ADGB: variants seen among roughly 807,000 people sequenced by gnomAD.
The protein encoded by ADGB is calpain-7-like protein.
Under a neutral mutation model 210.5 loss-of-function variants are expected in ADGB, and 172 were observed. That is an observed-to-expected ratio of 0.82 (90% CI 0.72 to 0.93). ADGB has a LOEUF of 0.93. ADGB is among the 40% of genes least tolerant of loss of function. The pLI, the probability that ADGB is intolerant of heterozygous loss-of-function variation, is 0.00. For missense variants in ADGB, 2,025 were observed against 1,964.8 expected, an observed-to-expected ratio of 1.03 and a Z score of -0.58; for synonymous variants, 658 against 662.7, an observed-to-expected ratio of 0.99 and a Z score of 0.11.
chr6:146,710,259 CTTTT>C (rs76028266), intron 13 of ADGB, among the ~76,000 whole-genome samples: 32,895 of 151,568 alleles, frequency 0.22, 3,905 homozygotes, highest in African/African-American at 0.32. Flanking sequence ...TATAGTTTTA[CTTTT>C]ATAAAATCCA....
chr6:146,604,313 T>C (rs1292321595), intron 1 of ADGB, among the ~76,000 whole-genome samples: 2 of 152,202 alleles, frequency 1.3e-5, no homozygotes, highest in Non-Finnish European at 2.9e-5. Flanking sequence ...GGCCCAGTCC[T>C]CTCCCAAGTC....
chr6:146,802,730 T>A, intron 35 of ADGB: 1 of 1,469,930 alleles, frequency 6.8e-7, no homozygotes, highest in South Asian at 1.3e-5. Context: ...ACGAGACTTT[T>A]TTTGTAAATT....
Position 146,644,853 on chromosome 6 carries a change from T to C in ADGB, c.318T>C (p.Ile106=). The change falls in exon 3 of 36, where the codon ATT becomes ATC. Residue 106 remains isoleucine, a synonymous_variant. Coordinates refer to ENST00000397944, the MANE Select transcript of ADGB (RefSeq NM_024694.4). ...ATTCCTGGAAACGTCCACAAGATATTTTATTTAGTCAGGTAAGAAAGTTTT... is the reference window on the plus strand; with the variant it reads ...ATTCCTGGAAACGTCCACAAGATATCTTATTTAGTCAGGTAAGAAAGTTTT... ...KIYSWKRPQD[I]LFSQTPVVVK... 6.7e-7 allele frequency: 1 copy of C among 1,482,586 alleles called. No homozygotes were observed. The highest frequency in any genetic ancestry group is 9.0e-7 in the Non-Finnish European group (1 of 1,115,102). The allele number at this position is 1,482,586 out of a possible 1,614,324, so 91.8% of individuals were successfully genotyped here.
intron 1 of ADGB, among the ~76,000 whole-genome samples, chr6:146,619,786 C>T (rs924183784): frequency 3.9e-5 from 6 of 151,946 alleles, no homozygotes; most frequent in Admixed American, 2.0e-4. Context: ...TTTTAGACTT[C>T]CTATTAAAAG....
chr6:146,648,372 C>T (rs1302945892), intron 3 of ADGB, among the ~76,000 whole-genome samples: 1 of 152,006 alleles, frequency 6.6e-6, no homozygotes, highest in East Asian at 1.9e-4. Context: ...TCCATTCTCA[C>T]ACTACTATAA....
intron 33 of ADGB, among the ~76,000 whole-genome samples, chr6:146,790,005 C>T (rs1293412365): frequency 2.0e-5 from 3 of 152,090 alleles, no homozygotes; most frequent in Non-Finnish European, 4.4e-5. Context: ...ATTCTGATAT[C>T]AAATTATTTA....
At chr6:146,709,384 G>T (rs1472673228) in intron 13 of ADGB, among the ~76,000 whole-genome samples, 3 of 152,196 alleles carry the variant, frequency 2.0e-5, no homozygotes, top group African/African-American at 7.2e-5. Flanking sequence ...CCCTTCACCA[G>T]TCAGATCATC....
At position 146,599,358 on chromosome 6, in the gene ADGB, G is replaced by A. The variant is rs114788945; in HGVS notation, c.74+244G>A. On this transcript the variant is annotated intron_variant, in intron 1 of 35. Coordinates refer to ENST00000397944, the MANE Select transcript of ADGB (RefSeq NM_024694.4). Reference sequence around the variant, plus strand: ...CTTGCTTTGGGTGTTCAGCTCCCATGGGTGAATCTGCCACCCCTCCTCTTC... The same window carrying A: ...CTTGCTTTGGGTGTTCAGCTCCCATAGGTGAATCTGCCACCCCTCCTCTTC... Among the ~76,000 whole-genome samples, 544 of 152,268 alleles carry A rather than the reference G, an allele frequency of 3.6e-3. 1 individual carries two copies. The highest frequency in any genetic ancestry group is 0.012 in the African/African-American group (514 of 41,562).
intron 8 of ADGB, among the ~76,000 whole-genome samples, chr6:146,675,879 G>C (rs964664239): frequency 6.6e-6 from 1 of 152,136 alleles, no homozygotes; most frequent in African/African-American, 2.4e-5. Flanking sequence ...TTTGGAGTCA[G>C]AAAACTGTGT....
intron 26 of ADGB, among the ~76,000 whole-genome samples, chr6:146,747,173 C>T (rs1777252004): frequency 6.6e-6 from 1 of 152,144 alleles, no homozygotes; most frequent in East Asian, 1.9e-4. Flanking sequence ...TAATTGGCCT[C>T]CATTAACAAT....
intron 3 of ADGB, among the ~76,000 whole-genome samples, chr6:146,652,751 A>G (rs553465471): frequency 5.9e-4 from 90 of 152,312 alleles, no homozygotes; most frequent in Non-Finnish European, 1.2e-3. Context: ...AAATTTTAAC[A>G]CTAACAAAAT....
chr6:146,721,510 G>T lies in ADGB; in HGVS notation c.2095+5G>T. On this transcript the variant is annotated splice_donor_5th_base_variant and intron_variant, in intron 17 of 35. Transcript: ENST00000397944. The stretch of plus-strand genomic sequence containing the variant: ...TACGCTGGGGGGAGTATGGAGGTAA[G>T]AGGGCTCTGAGAAAATGATAGCCTT... The T allele has an allele frequency of 6.9e-7, 1 of 1,450,654 alleles. No homozygotes were observed. Among genetic ancestry groups the T allele is most frequent in the Admixed American group, 2.2e-5 (1 of 45,818 alleles). 89.9% of individuals were successfully genotyped at this position (1,450,654 alleles called of 1,614,324 possible).
chr6:146,811,755 T>C (rs1217971771), intron 35 of ADGB, among the ~76,000 whole-genome samples: 1 of 152,148 alleles, frequency 6.6e-6, no homozygotes, highest in Admixed American at 6.6e-5. Context: ...CACTGCAACC[T>C]CCACCTCCCA....
chr6:146,799,394 C>T (rs1778090930), intron 33 of ADGB, among the ~76,000 whole-genome samples: 1 of 151,850 alleles, frequency 6.6e-6, no homozygotes, highest in Non-Finnish European at 1.5e-5. Flanking sequence ...ATTAGCTTGG[C>T]GTGGTGGCAC....
At chr6:146,708,695 G>T (rs1776613650) in intron 13 of ADGB, among the ~76,000 whole-genome samples, 1 of 151,950 alleles carries the variant, frequency 6.6e-6, no homozygotes, top group Non-Finnish European at 1.5e-5. Flanking sequence ...GTATTATTTG[G>T]ATTAAATCTG....
intron 1 of ADGB, among the ~76,000 whole-genome samples, chr6:146,626,898 A>C (rs1254944729): frequency 6.6e-6 from 1 of 151,668 alleles, no homozygotes; most frequent in Non-Finnish European, 1.5e-5. Flanking sequence ...TTTATATTTG[A>C]CTACTTTAAG....
intron 1 of ADGB, among the ~76,000 whole-genome samples, chr6:146,614,204 CCTCCCTTCCTTCCTCCCTT>C: frequency 1.1e-5 from 1 of 93,666 alleles, no homozygotes; most frequent in African/African-American, 4.1e-5. Flanking sequence ...TCCCTCCCTT[CCTCCCTTCCTTCCTCCCTT>C]CCTTCCTTCC....
In ADGB at chr6:146,792,900, C is replaced by T. The variant is rs113747585; in HGVS notation, c.4537+4290C>T. Among the ~76,000 whole-genome samples the T allele has an allele frequency of 1.2e-3, 181 of 152,244 alleles. 1 individual carries two copies. The highest frequency in any genetic ancestry group is 4.2e-3 in the African/African-American group (174 of 41,538). On this transcript the variant is annotated intron_variant, in intron 33 of 35. Transcript: ENST00000397944. ...GTTCCTTCCAGTGGGTTCCTGGTCT[C>T]GCTGACTTCAAGAATGAAGCCACGG...
intron 1 of ADGB, among the ~76,000 whole-genome samples, chr6:146,632,012 G>A (rs17076153): frequency 0.088 from 13,209 of 149,838 alleles, 608 homozygotes; most frequent in East Asian, 0.13. Context: ...CCAAGGTATC[G>A]CCTTCCAGTG....
Sources: gnomAD v4.1 joint callset for allele counts (sites outside exome capture counted in the v4.1 genomes callset) on GRCh38, gnomAD v4.1.1 for gene constraint, MANE v1.5 for transcripts, NCBI Gene and HGNC (gene_info 2026-07-23, HGNC 2026-07-21) for gene names.